The following ZC3H12B variants were observed in gnomAD, a reference collection of about 807,000 sequenced individuals.
The protein encoded by ZC3H12B is probable ribonuclease ZC3H12B.
ZC3H12B carries 7 observed loss-of-function variants against 43.9 expected under a neutral mutation model. That is an observed-to-expected ratio of 0.16 (90% CI 0.09 to 0.30). ZC3H12B has a LOEUF of 0.30. ZC3H12B is among the 10% of genes least tolerant of loss of function. The pLI is 1.00. For synonymous variants in ZC3H12B, 222 were observed against 241.7 expected, an observed-to-expected ratio of 0.92 and a Z score of 0.76; for missense variants, 475 against 670.2, an observed-to-expected ratio of 0.71 and a Z score of 3.22.
the ZC3H12B span, among the ~76,000 whole-genome samples, chrX:65,158,488 A>G: frequency 2.7e-5 from 3 of 111,823 alleles, no homozygotes; most frequent in Non-Finnish European, 5.6e-5. Flanking sequence ...ATGGTATGTC[A>G]TTGTGGTTTT....
the ZC3H12B span, among the ~76,000 whole-genome samples, chrX:65,068,862 T>C: frequency 1.8e-5 from 2 of 111,421 alleles, no homozygotes; most frequent in South Asian, 7.5e-4. Context: ...TTTTTCTCCT[T>C]TATGCTTGAA....
chrX:65,053,468 T>C, the ZC3H12B span, among the ~76,000 whole-genome samples: 1 of 111,851 alleles, frequency 8.9e-6, no homozygotes, highest in Non-Finnish European at 1.9e-5. Flanking sequence ...TAGTATTCCA[T>C]GGTGTATATG....
chrX:65,489,446 A>G, intron 1 of ZC3H12B, 37 bp downstream of exon 6: 1 of 1,151,984 alleles, frequency 8.7e-7, no homozygotes, highest in Non-Finnish European at 1.2e-6. Flanking sequence ...ATTTTAAAAA[A>G]CTGCCCTGAG....
the ZC3H12B span, among the ~76,000 whole-genome samples, chrX:65,257,541 T>A: frequency 9.0e-6 from 1 of 110,582 alleles, no homozygotes; most frequent in Non-Finnish European, 1.9e-5. Context: ...ACATGGCACA[T>A]GTATACCTAT....
At chrX:65,245,872 T>A in the ZC3H12B span, among the ~76,000 whole-genome samples, 1 of 109,824 alleles carries the variant, frequency 9.1e-6, no homozygotes, top group African/African-American at 3.3e-5. Context: ...CATGTATACA[T>A]ATGTAACAAA....
the ZC3H12B span, among the ~76,000 whole-genome samples, chrX:65,161,726 T>G: frequency 8.9e-6 from 1 of 112,175 alleles, no homozygotes; most frequent in Admixed American, 9.5e-5. Flanking sequence ...AATTTGCCAG[T>G]CAGTGTCTTT....
At chrX:65,156,911 ATTCT>A in the ZC3H12B span, among the ~76,000 whole-genome samples, 1 of 111,781 alleles carries the variant, frequency 8.9e-6, no homozygotes, top group Non-Finnish European at 1.9e-5. Flanking sequence ...CTCAGTTAAT[ATTCT>A]TTGACATATA....
intron 3 of ZC3H12B, among the ~76,000 whole-genome samples, chrX:65,406,628 G>A (rs1470348141): frequency 9.8e-5 from 10 of 102,257 alleles, no homozygotes; most frequent in Non-Finnish European, 1.8e-4. Context: ...GGGACTGGGC[G>A]GGGCCGGGCG....
chrX:65,204,802 A>T, the ZC3H12B span, among the ~76,000 whole-genome samples: 2 of 111,940 alleles, frequency 1.8e-5, no homozygotes, highest in East Asian at 5.6e-4. Context: ...TTCTTTCTTT[A>T]TTTCTTAATT....
rs181244097 is a variant in ZC3H12B at position 65,388,026 on chromosome X, G to A, written n.296-10567G>A. On this transcript the variant is annotated intron_variant and non_coding_transcript_variant, in intron 2 of 5. Coordinates refer to the ZC3H12B transcript ENST00000617377. ...GAGATATCTGCTGTTAGTCTGATGG[G>A]CTTCCCTTTTTGGGTAACCTGACCT... Among the ~76,000 whole-genome samples the A allele has an allele frequency of 3.4e-3, 378 of 112,156 alleles. 1 individual carries two copies. The highest frequency in any genetic ancestry group is 4.4e-3 in the Non-Finnish European group (235 of 53,258).
chrX:65,297,308 T>C, the ZC3H12B span, among the ~76,000 whole-genome samples: 2 of 110,883 alleles, frequency 1.8e-5, no homozygotes, highest in Non-Finnish European at 3.8e-5. Context: ...ATTTTCAGGG[T>C]ACAAAATCAA....
the ZC3H12B span, among the ~76,000 whole-genome samples, chrX:65,161,921 T>C: frequency 8.9e-6 from 1 of 112,040 alleles, no homozygotes; most frequent in African/African-American, 3.2e-5. Context: ...TTCCTTTCCA[T>C]GTTTAGTGCT....
chrX:65,168,649 G>A, the ZC3H12B span, among the ~76,000 whole-genome samples: 1 of 111,193 alleles, frequency 9.0e-6, no homozygotes, highest in African/African-American at 3.3e-5. Flanking sequence ...GGTAGAATTC[G>A]GCTGTGAATC....
intron 3 of ZC3H12B, among the ~76,000 whole-genome samples, chrX:65,409,469 T>A (rs921703779): frequency 9.2e-6 from 1 of 108,710 alleles, no homozygotes; most frequent in Admixed American, 9.9e-5. Context: ...GAAAAAGAAA[T>A]AAATGGCAAC....
chrX:65,182,420 A>G, the ZC3H12B span, among the ~76,000 whole-genome samples: 1 of 111,409 alleles, frequency 9.0e-6, no homozygotes, highest in Non-Finnish European at 1.9e-5. Context: ...AAGTGAATTA[A>G]TTAAAAAATA....
At chrX:65,485,493 C>T (rs1026281371), upstream of ZC3H12B, among the ~76,000 whole-genome samples, 9 of 112,469 alleles carry the variant, frequency 8.0e-5, no homozygotes, top group African/African-American at 2.9e-4. Context: ...TGGGCTCAAG[C>T]GATCCTCCTG....
At chrX:65,380,987 T>C (rs894914457) in intron 2 of ZC3H12B, among the ~76,000 whole-genome samples, 4 of 110,929 alleles carry the variant, frequency 3.6e-5, no homozygotes, top group Admixed American at 9.6e-5. Context: ...AGACTTAGAC[T>C]CCCAAACATT....
At chrX:65,472,827 T>TAG (rs2067936695) in intron 3 of ZC3H12B, among the ~76,000 whole-genome samples, 1 of 64,058 alleles carries the variant, frequency 1.6e-5, no homozygotes, top group Non-Finnish European at 2.5e-5. Flanking sequence ...ATACCTTTGA[T>TAG]ATATATATAT....
chrX:65,294,170 T>A, the ZC3H12B span, among the ~76,000 whole-genome samples: 1 of 111,855 alleles, frequency 8.9e-6, no homozygotes, highest in African/African-American at 3.2e-5. Flanking sequence ...GCAAAAATTT[T>A]GCAAGCTAGA....
Sources: allele counts gnomAD v4.1 joint callset (sites outside exome capture counted in the v4.1 genomes callset), GRCh38; gene constraint gnomAD v4.1.1; transcripts MANE v1.5; gene names NCBI Gene and HGNC (gene_info 2026-07-23, HGNC 2026-07-21).